Variants in CPS1 observed in about 807,000 individuals in gnomAD.
The protein encoded by CPS1 is carbamoyl-phosphate synthase 1, also known as carbamoyl-phosphate synthase [ammonia], mitochondrial.
A neutral mutation model predicts 174.6 loss-of-function variants in CPS1; 109 were observed. The ratio of observed to expected loss-of-function variants is 0.62; its 90% confidence interval spans 0.53 to 0.73. CPS1 has a LOEUF of 0.73. Among genes scored for constraint, CPS1 ranks in the 30% least tolerant of loss-of-function variants. CPS1 has a pLI of 0.00. For synonymous variants in CPS1, 637 were observed against 632.0 expected (o/e 1.01, Z -0.12); for missense variants, 1,689 against 1,821.9 (o/e 0.93, Z 1.33).
chr2:210,588,779 C>T (rs185436373), intron 7 of CPS1, among the ~76,000 whole-genome samples: 50 of 152,066 alleles, frequency 3.3e-4, no homozygotes, highest in Admixed American at 8.5e-4. Flanking sequence ...AATTAGCATG[C>T]GTATTGGGAG....
chr2:210,496,917 T>G (rs1008709720), intron 1 of CPS1, among the ~76,000 whole-genome samples: 3 of 152,246 alleles, frequency 2.0e-5, no homozygotes, highest in African/African-American at 7.2e-5. Context: ...ATGTGTTAAC[T>G]GTCTATGTCA....
chr2:210,481,167 A>G (rs1694559993), intron 1 of CPS1, among the ~76,000 whole-genome samples: 1 of 152,206 alleles, frequency 6.6e-6, no homozygotes, highest in Admixed American at 6.5e-5. Context: ...TTGTGAGTCC[A>G]GAAAGTTGGT....
chr2:210,576,428 C>T lies in CPS1; in HGVS notation c.319C>T (p.Pro107Ser), dbSNP rs1697715018. ...CCCTATTATTGGGAATGGTGGAGCT[C>T]CTGATACTACTGCTCTGGATGAACT... Reference protein sequence around the residue: ...ANPIIGNGGAPDTTALDELGL... With the variant: ...ANPIIGNGGASDTTALDELGL... The change falls in exon 3 of 38, where the codon CCT becomes TCT. Residue 107 changes from proline (P) to serine (S), a missense_variant. Coordinates refer to ENST00000233072, the MANE Select transcript of CPS1 (RefSeq NM_001875.5). The T allele has an allele frequency of 6.2e-7, 1 of 1,613,704 alleles. No homozygotes were observed. Among genetic ancestry groups the T allele is most frequent in the Non-Finnish European group, 8.5e-7 (1 of 1,179,746 alleles).
intron 1 of CPS1, among the ~76,000 whole-genome samples, chr2:210,530,437 A>T (rs545913450): frequency 6.6e-6 from 1 of 152,204 alleles, no homozygotes; most frequent in South Asian, 2.1e-4. Context: ...ATAATAGCCA[A>T]ACTACTGAGC....
chr2:210,620,503 A>G (rs1475176503), intron 21 of CPS1, among the ~76,000 whole-genome samples: 1 of 152,110 alleles, frequency 6.6e-6, no homozygotes, highest in African/African-American at 2.4e-5. Flanking sequence ...TGGGTAGTTT[A>G]TGAAGAGGTT....
rs1309921103 is a variant in CPS1, at chr2:210,490,274, C to T, written c.3+12508C>T. Among the ~76,000 whole-genome samples, 4 of 152,116 alleles carry T rather than the reference C, an allele frequency of 2.6e-5. No individual in the cohort carries two copies. In the East Asian group the frequency reaches 5.8e-4, roughly 22 times the overall value. On this transcript the variant is annotated intron_variant, in intron 1 of 38. Transcript: ENST00000430249. ...GAGATATATATGCTTATAGGCTTACCTCTGACCTACAAATTGTCTCTAATA... is the reference window on the plus strand; with the variant it reads ...GAGATATATATGCTTATAGGCTTACTTCTGACCTACAAATTGTCTCTAATA...
intron 1 of CPS1, among the ~76,000 whole-genome samples, chr2:210,511,994 A>G (rs1411484454): frequency 6.6e-6 from 1 of 151,976 alleles, no homozygotes. Context: ...TCACCAATTA[A>G]TTGCCTCCTG....
intron 1 of CPS1, among the ~76,000 whole-genome samples, chr2:210,527,021 C>T (rs1574493480): frequency 6.6e-6 from 1 of 151,774 alleles, no homozygotes; most frequent in South Asian, 2.1e-4. Flanking sequence ...AAAGTAATGG[C>T]AAAACCACAA....
chr2:210,582,962 C>G (rs1421780432), intron 6 of CPS1, among the ~76,000 whole-genome samples: 5 of 152,056 alleles, frequency 3.3e-5, no homozygotes, highest in Non-Finnish European at 7.4e-5. Context: ...TTCCTTCCAC[C>G]TTTTCTGATT....
intron 6 of CPS1, among the ~76,000 whole-genome samples, chr2:210,583,779 C>T (rs538744930): frequency 6.6e-6 from 1 of 152,070 alleles, no homozygotes; most frequent in Admixed American, 6.6e-5. Flanking sequence ...ATCAGCACTT[C>T]CAGAAACTAT....
intron 20 of CPS1, 151 bp downstream of exon 20, chr2:210,612,444 C>A: frequency 1.4e-6 from 1 of 718,270 alleles, no homozygotes; most frequent in Non-Finnish European, 2.4e-6. Context: ...CTGGAAACAT[C>A]TATAGATTTC....
chr2:210,601,050 A>G (rs989565668), intron 15 of CPS1, among the ~76,000 whole-genome samples: 3 of 151,956 alleles, frequency 2.0e-5, no homozygotes, highest in African/African-American at 7.2e-5. Flanking sequence ...TCTGGGATCA[A>G]TCACATATTT....
At chr2:210,484,641 G>C (rs556697094) in intron 1 of CPS1, among the ~76,000 whole-genome samples, 18 of 152,258 alleles carry the variant, frequency 1.2e-4, no homozygotes, top group Admixed American at 1.2e-3. Flanking sequence ...ACGATGAGAT[G>C]CCAGAACCAC....
chr2:210,482,646 A>T (rs1694603568), intron 1 of CPS1, among the ~76,000 whole-genome samples: 2 of 143,298 alleles, frequency 1.4e-5, no homozygotes, highest in South Asian at 4.6e-4. Flanking sequence ...CTAGAGTTTG[A>T]CATATGCTGG....
intron 6 of CPS1, among the ~76,000 whole-genome samples, chr2:210,584,382 A>G (rs1243733359): frequency 6.6e-6 from 1 of 152,126 alleles, no homozygotes; most frequent in Non-Finnish European, 1.5e-5. Context: ...TTATCCAAGT[A>G]GAAAGTGAGT....
intron 1 of CPS1, among the ~76,000 whole-genome samples, chr2:210,521,436 GCTTGCTTCTACTAT>G (rs1695823899): frequency 6.6e-6 from 1 of 151,672 alleles, no homozygotes; most frequent in African/African-American, 2.4e-5. Context: ...GGATCATTGA[GCTTGCTTCTACTAT>G]TGGTTTATAG....
In CPS1 at chr2:210,587,322, G is replaced by A. The variant is rs1200186001; in HGVS notation, c.622-736G>A. ...CTAGCTAACTCTCAAAGCAGGAACC[G>A]GTGTGTGTGCCCACCCTTCTAGGCT... On this transcript the variant is annotated intron_variant, in intron 6 of 37. Coordinates refer to ENST00000233072, the MANE Select transcript of CPS1 (RefSeq NM_001875.5). Among the ~76,000 whole-genome samples the A allele has an allele frequency of 4.6e-5, 7 of 151,958 alleles. No homozygotes were observed. The East Asian group carries it at 5.8e-4, about 13-fold the overall frequency.
At chr2:210,588,232 T>C in intron 7 of CPS1, 85 bp downstream of exon 7, 1 of 1,177,188 alleles carries the variant, frequency 8.5e-7, no homozygotes, top group Non-Finnish European at 1.3e-6. Flanking sequence ...CAGAGAAACT[T>C]ATGCATTCTT....
At position 210,556,625 on chromosome 2, in the gene CPS1, ACACT is replaced by A; in HGVS notation, c.-108_-105del. The A allele has an allele frequency of 3.4e-5, 53 of 1,550,200 alleles. 2 individuals are homozygous for A. The South Asian group carries it at 6.4e-4, about 19-fold the overall frequency. On this transcript the variant is annotated 5_prime_UTR_variant, in exon 1 of 38. Coordinates refer to ENST00000233072, the MANE Select transcript of CPS1 (RefSeq NM_001875.5). The stretch of plus-strand genomic sequence containing the variant: ...AAGATCGCTGTGCAGTCAGCCTTAA[ACACT>A]GACTGCACCCCTCCCAGATTTCTTT...
Sources: gnomAD v4.1 joint callset for allele counts (sites outside exome capture counted in the v4.1 genomes callset) on GRCh38, gnomAD v4.1.1 for gene constraint, MANE v1.5 for transcripts, NCBI Gene and HGNC (gene_info 2026-07-23, HGNC 2026-07-21) for gene names.